Variants in SMG6 observed in about 807,000 individuals in gnomAD.
The protein encoded by SMG6 is telomerase-binding protein EST1A.
In SMG6, 66 loss-of-function variants were observed where a neutral mutation model predicts 142.2. The observed-to-expected ratio is 0.46, with a 90% CI of 0.38 to 0.57. SMG6 has a LOEUF of 0.57. Ranked by LOEUF, SMG6 falls within the 20% of genes least tolerant of loss-of-function variation. The pLI is 0.00. For synonymous variants in SMG6, 779 were observed against 702.4 expected (o/e 1.11, Z -1.72); for missense variants, 1,793 against 1,832.0 (o/e 0.98, Z 0.39).
rs2068446335 is a variant in SMG6 at position 2,082,271 on chromosome 17, A to G, written c.3535-315T>C. 3 of 269,750 alleles carry G rather than the reference A, an allele frequency of 1.1e-5. No individual in the cohort carries two copies. In the South Asian group the frequency reaches 2.9e-4, roughly 26 times the overall value. The allele number at this position is 269,750 out of a possible 1,614,324, so 16.7% of individuals were successfully genotyped here. ...TCTGTGTTCTTCCTGGTACACACTC[A>G]CAAAGTCAAACTTTAGGCCTATTTT... On this transcript the variant is annotated intron_variant, in intron 14 of 18. Coordinates refer to ENST00000263073, the MANE Select transcript of SMG6 (RefSeq NM_017575.5).
At chr17:2,130,095 TA>T (rs1341867234) in intron 13 of SMG6, among the ~76,000 whole-genome samples, 7 of 150,386 alleles carry the variant, frequency 4.7e-5, no homozygotes, top group African/African-American at 1.2e-4. Context: ...CCGTCTCTAC[TA>T]AAAAATACAA....
In SMG6 at chr17:2,165,285, A is replaced by G. The variant is rs528947495; in HGVS notation, c.3357+7373T>C. ...GTATCATTTATATGAAAGAGACTGA[A>G]AAAAAAAAAACTGAAAACTAGACAT... On this transcript the variant is annotated intron_variant, in intron 13 of 18. Coordinates refer to ENST00000263073, the MANE Select transcript of SMG6 (RefSeq NM_017575.5). Among the ~76,000 whole-genome samples, 26 of 66,154 alleles carry G rather than the reference A, an allele frequency of 3.9e-4. No individual in the cohort carries two copies. In the East Asian group the frequency reaches 8.5e-3, roughly 22 times the overall value. 43.4% of individuals were successfully genotyped at this position (66,154 alleles called of 152,430 possible).
intron 10 of SMG6, chr17:2,199,767 G>C (rs1219249549): frequency 6.6e-6 from 1 of 150,404 alleles, no homozygotes; most frequent in Non-Finnish European, 1.5e-5. Flanking sequence ...AATTAGCCGG[G>C]TGTGGTGGCG....
intron 10 of SMG6, among the ~76,000 whole-genome samples, chr17:2,194,153 G>A (rs114359268): frequency 1.3e-5 from 2 of 152,106 alleles, no homozygotes; most frequent in African/African-American, 4.8e-5. Context: ...GTGGATGCAG[G>A]GGGGACCACA....
intron 13 of SMG6, among the ~76,000 whole-genome samples, chr17:2,164,003 A>T (rs2071258040): frequency 1.3e-5 from 2 of 151,682 alleles, no homozygotes; most frequent in Non-Finnish European, 2.9e-5. Context: ...CGGAGGTTGC[A>T]GTGGGTCTAG....
At chr17:2,193,966 G>A (rs1351691169) in intron 10 of SMG6, among the ~76,000 whole-genome samples, 1 of 152,200 alleles carries the variant, frequency 6.6e-6, no homozygotes, top group Non-Finnish European at 1.5e-5. Flanking sequence ...AAGTAGCTGG[G>A]ATTAGAGGCA....
intron 9 of SMG6, among the ~76,000 whole-genome samples, chr17:2,241,270 A>G (rs1231591682): frequency 4.6e-5 from 7 of 152,210 alleles, no homozygotes; most frequent in Non-Finnish European, 8.8e-5. Flanking sequence ...GACAAATGAG[A>G]TATCTATTCA....
chr17:2,177,055 G>A (rs929160074), intron 12 of SMG6, among the ~76,000 whole-genome samples: 5 of 152,158 alleles, frequency 3.3e-5, no homozygotes, highest in Non-Finnish European at 7.3e-5. Context: ...CTCCTGGCTG[G>A]TTGTTTGGGG....
intron 11 of SMG6, 90 bp downstream of exon 11, chr17:2,188,309 A>C (rs2072052653): frequency 9.8e-7 from 1 of 1,020,764 alleles, no homozygotes; most frequent in Non-Finnish European, 1.5e-6. Context: ...CTACAGGGAG[A>C]AGACACCGAG....
chr17:2,135,401 T>A (rs768199687), intron 13 of SMG6, among the ~76,000 whole-genome samples: 25 of 152,184 alleles, frequency 1.6e-4, no homozygotes, highest in Non-Finnish European at 2.8e-4. Flanking sequence ...GTACAACAGA[T>A]CACAAGAACC....
chr17:2,137,287 AG>A (rs1321836756), intron 13 of SMG6, among the ~76,000 whole-genome samples: 2 of 152,210 alleles, frequency 1.3e-5, no homozygotes, highest in Admixed American at 1.3e-4. Context: ...ACTCTCCAGA[AG>A]GGAGTACCAA....
chr17:2,166,746 A>G (rs960193959), intron 13 of SMG6, among the ~76,000 whole-genome samples: 3 of 152,246 alleles, frequency 2.0e-5, no homozygotes, highest in African/African-American at 7.2e-5. Context: ...GGCATGGGCC[A>G]CTGCTCCTGA....
At chr17:2,182,043 G>T (rs569420196) in intron 12 of SMG6, among the ~76,000 whole-genome samples, 2 of 152,112 alleles carry the variant, frequency 1.3e-5, no homozygotes, top group Admixed American at 1.3e-4. Context: ...GAGGTGACCC[G>T]GGGAAGGCCC....
chr17:2,204,699 C>G (rs145721435), intron 10 of SMG6, among the ~76,000 whole-genome samples: 1 of 152,202 alleles, frequency 6.6e-6, no homozygotes, highest in Non-Finnish European at 1.5e-5. Context: ...CATGGTGGCT[C>G]ACGCCTATAA....
chr17:2,287,293 G>A (rs1250058877), intron 6 of SMG6, among the ~76,000 whole-genome samples: 1 of 152,142 alleles, frequency 6.6e-6, no homozygotes, highest in Non-Finnish European at 1.5e-5. Context: ...TGACCAATGT[G>A]CATATGAAAA....
chr17:2,299,784 C>T lies in SMG6; in HGVS notation c.969G>A (p.Arg323=), dbSNP rs779498386. 6.8e-6 allele frequency: 11 copies of T among 1,614,108 alleles called. No individual in the cohort carries two copies. Among genetic ancestry groups the T allele is most frequent in the Middle Eastern group, 1.6e-4 (1 of 6,084 alleles). ...ACCAGTTTCTTTCTAAATGTCTCTT[C>T]CTTTCTGAACTTCTCCTGGGTCCTA... is the stretch of plus-strand genomic sequence containing the variant. ...DGLGPRRSSE[R]KRHLERNWSG... Residue 323 remains arginine, a synonymous_variant, in exon 2 of 19, where the codon AGG becomes AGA. Transcript: ENST00000263073. This position sits in a 1 kb window ranked among gnomAD's most constrained non-coding sequence, Gnocchi z 4.3.
chr17:2,105,602 G>A (rs1462257954), intron 13 of SMG6, among the ~76,000 whole-genome samples: 1 of 152,064 alleles, frequency 6.6e-6, no homozygotes, highest in Admixed American at 6.6e-5. Flanking sequence ...TAGCCTAAAG[G>A]CCCTCAGGAC....
At chr17:2,199,338 G>A (rs1309488458) in intron 10 of SMG6, among the ~76,000 whole-genome samples, 1 of 152,014 alleles carries the variant, frequency 6.6e-6, no homozygotes, top group Non-Finnish European at 1.5e-5. Context: ...TGGATATTAA[G>A]GTATTTATTT....
At chr17:2,166,039 C>T (rs1364898085) in intron 13 of SMG6, among the ~76,000 whole-genome samples, 1 of 152,110 alleles carries the variant, frequency 6.6e-6, no homozygotes, top group Non-Finnish European at 1.5e-5. Flanking sequence ...TAGCAAAACC[C>T]CGTCTCTACT....
Sources: allele counts gnomAD v4.1 joint callset (sites outside exome capture counted in the v4.1 genomes callset), GRCh38; gene constraint gnomAD v4.1.1; non-coding constraint Gnocchi (gnomAD v3.1); transcripts MANE v1.5; gene names NCBI Gene and HGNC (gene_info 2026-07-23, HGNC 2026-07-21).